ZNF26: variants seen among roughly 807,000 people sequenced by gnomAD.
ZNF26 encodes the protein zinc finger protein 26, also known as epididymis luminal protein 179.
ZNF26 carries 32 observed loss-of-function variants against 54.9 expected under a neutral mutation model. That is an observed-to-expected ratio of 0.58 (90% confidence interval 0.44 to 0.78). The LOEUF is 0.78. Among genes scored for constraint, ZNF26 ranks in the 30% least tolerant of loss-of-function variants. ZNF26 has a pLI of 0.00. For synonymous variants in ZNF26, 221 were observed against 209.2 expected, an observed-to-expected ratio of 1.06 and a Z score of -0.49; for missense variants, 524 against 634.0, an observed-to-expected ratio of 0.83 and a Z score of 1.86.
chr12:132,992,699 A>C (rs1952989660), intron 1 of ZNF26, among the ~76,000 whole-genome samples: 1 of 152,216 alleles, frequency 6.6e-6, no homozygotes, highest in Admixed American at 6.5e-5. Context: ...TAAGTTGGGG[A>C]ACGTACTGAA....
chr12:132,990,542 G>A (rs905025800), intron 1 of ZNF26, among the ~76,000 whole-genome samples: 1 of 152,064 alleles, frequency 6.6e-6, no homozygotes, highest in Non-Finnish European at 1.5e-5. Flanking sequence ...GTATTAGAGC[G>A]ATGCTGTCTT....
At chr12:132,991,279 C>T (rs928638708) in intron 1 of ZNF26, among the ~76,000 whole-genome samples, 15 of 147,868 alleles carry the variant, frequency 1.0e-4, no homozygotes, top group African/African-American at 3.2e-4. Flanking sequence ...GGGTGAATCA[C>T]GAGGTCAGAT....
At chr12:133,008,945 A>G (rs1354624512) in intron 3 of ZNF26, among the ~76,000 whole-genome samples, 2 of 152,104 alleles carry the variant, frequency 1.3e-5, no homozygotes, top group African/African-American at 4.8e-5. Context: ...CAAGCACATC[A>G]CATGGTGAAA....
rs893678139 is a variant in ZNF26 at position 133,010,810 on chromosome 12, G to T, written c.931G>T (p.Val311Leu). 29 of 1,613,968 alleles carry T rather than the reference G, an allele frequency of 1.8e-5. No individual in the cohort carries two copies. The highest frequency in any genetic ancestry group is 1.7e-5 in the Non-Finnish European group (20 of 1,180,038). The change falls in exon 4 of 4, where the codon GTG becomes TTG. Residue 311 changes from valine (V) to leucine (L), a missense_variant. Physicochemically the swap from Val to Leu is conservative, Grantham distance 32 (BLOSUM62 1). Coordinates refer to ENST00000328654, the MANE Select transcript of ZNF26 (RefSeq NM_019591.4). Reference protein sequence around the residue: ...FVVHQRTHTGVKPHKCSECGK... With the variant: ...FVVHQRTHTGLKPHKCSECGK... ...TGTACACCAGAGAACTCATACAGGA[G>T]TGAAACCCCATAAATGCAGTGAATG...
chr12:132,992,412 A>AT (rs1230230234), intron 1 of ZNF26, among the ~76,000 whole-genome samples: 12 of 149,652 alleles, frequency 8.0e-5, no homozygotes, highest in Non-Finnish European at 1.2e-4. Context: ...CTTATCTTTG[A>AT]TTTTTTGTGT....
intron 1 of ZNF26, 140 bp downstream of exon 1, chr12:132,987,013 A>C: frequency 1.0e-6 from 1 of 957,548 alleles, no homozygotes; most frequent in Non-Finnish European, 1.6e-6. Flanking sequence ...CTCCCCACCA[A>C]ACCAAAGCGC....
chr12:132,991,155 A>G (rs890913198), intron 1 of ZNF26, among the ~76,000 whole-genome samples: 4 of 150,126 alleles, frequency 2.7e-5, no homozygotes, highest in Non-Finnish European at 5.9e-5. Context: ...CACTGTGCCC[A>G]GCCTCCATTA....
chr12:133,006,070 T>A, intron 1 of ZNF26: 1 of 985,336 alleles, frequency 1.0e-6, no homozygotes, highest in Non-Finnish European at 1.2e-6. Context: ...TGCCAGTTTT[T>A]CAGTTGGGCA....
intron 1 of ZNF26, among the ~76,000 whole-genome samples, 177 bp downstream of exon 1, chr12:132,987,050 C>T (rs1330227559): frequency 6.6e-6 from 1 of 152,176 alleles, no homozygotes; most frequent in Non-Finnish European, 1.5e-5. Flanking sequence ...AGCTCTGGCC[C>T]TGCAGAAACG....
At position 133,025,534 on chromosome 12, in the gene ZNF26, A is replaced by G. The variant is rs1269382427; in HGVS notation, c.*14053A>G. ...AAACATGGCCAAAACAGTATCTCCT[A>G]TCACACATTCTCTTCCACAGTGTGC... is the stretch of plus-strand genomic sequence containing the variant. On this transcript the variant is annotated 3_prime_UTR_variant, in exon 4 of 4. Transcript: ENST00000328654. 6.6e-6 allele frequency: 1 copy of G among 152,274 alleles called. No individual in the cohort carries two copies. The highest frequency in any genetic ancestry group is 1.5e-5 in the Non-Finnish European group (1 of 68,070). 9.4% of individuals were successfully genotyped at this position (152,274 alleles called of 1,614,324 possible).
In ZNF26 at chr12:133,020,119, CAG is replaced by C. The variant is rs1953619888; in HGVS notation, c.*8641_*8642del. On this transcript the variant is annotated 3_prime_UTR_variant, in exon 4 of 4. Transcript: ENST00000328654. ...TCAAAAAACAAAACAAAAAAAAAAT[CAG>C]AGCCCATCAACAAATGGATAAAGAA... 2 of 150,972 alleles carry C rather than the reference CAG, an allele frequency of 1.3e-5. No homozygotes were observed. The highest frequency in any genetic ancestry group is 4.9e-5 in the African/African-American group (2 of 41,016). 9.4% of individuals were successfully genotyped at this position (150,972 alleles called of 1,614,324 possible).
chr12:132,995,308 C>T (rs1953053963), intron 1 of ZNF26: 1 of 152,292 alleles, frequency 6.6e-6, no homozygotes, highest in Admixed American at 6.6e-5. Context: ...ATGGTTTGCT[C>T]CACATCCTTA....
In ZNF26 at chr12:133,024,165, C is replaced by T. The variant is rs971446059; in HGVS notation, c.*12684C>T. The T allele has an allele frequency of 3.3e-5, 5 of 152,346 alleles. 1 individual carries two copies. The highest frequency in any genetic ancestry group is 3.3e-4 in the Admixed American group (5 of 15,300). 9.4% of individuals were successfully genotyped at this position (152,346 alleles called of 1,614,324 possible). On this transcript the variant is annotated 3_prime_UTR_variant, in exon 4 of 4. Transcript: ENST00000328654. ...AGTGTTGGAAGTGGGGTTCTACTTACATGCATCACTGGCCTTGGCACTGGA... is the reference window on the plus strand; with the variant it reads ...AGTGTTGGAAGTGGGGTTCTACTTATATGCATCACTGGCCTTGGCACTGGA...
Position 133,007,437 on chromosome 12 carries a change from G to A in ZNF26, c.161G>A (p.Gly54Glu), listed in dbSNP as rs2137252397. 1.9e-6 allele frequency: 3 copies of A among 1,611,652 alleles called. No homozygotes were observed. Among genetic ancestry groups the A allele is most frequent in the Non-Finnish European group, 2.5e-6 (3 of 1,178,510 alleles). Residue 54 changes from glycine (G) to glutamate (E), a missense_variant and splice_region_variant, in exon 3 of 4, where the codon GGG becomes GAG. Physicochemically the swap from Gly to Glu is moderately conservative, Grantham distance 98 (BLOSUM62 -2). Coordinates refer to ENST00000328654, the MANE Select transcript of ZNF26 (RefSeq NM_019591.4). ...ACCCTTTGTGATTTCCCATCAACAG[G>A]GTATCATGGTACCAAGCCTGACTTA... ...LENYHNLISV[G>E]YHGTKPDLIF... is the part of the protein sequence containing the mutation.
At chr12:132,992,504 G>C (rs926975246) in intron 1 of ZNF26, among the ~76,000 whole-genome samples, 2 of 151,886 alleles carry the variant, frequency 1.3e-5, no homozygotes, top group African/African-American at 2.4e-5. Context: ...CTGTGATTTG[G>C]TGTCTGACAT....
intron 3 of ZNF26, among the ~76,000 whole-genome samples, chr12:133,009,305 C>T (rs1953415431): frequency 2.0e-5 from 3 of 152,098 alleles, no homozygotes. Flanking sequence ...GTAATTAAAA[C>T]CTTTAGGCTG....
At chr12:132,992,220 A>G (rs1300942233) in intron 1 of ZNF26, among the ~76,000 whole-genome samples, 1 of 152,082 alleles carries the variant, frequency 6.6e-6, no homozygotes, top group Non-Finnish European at 1.5e-5. Flanking sequence ...AGTTTACTTG[A>G]AATAGCAATA....
chr12:132,994,270 G>A (rs11829550), intron 1 of ZNF26, among the ~76,000 whole-genome samples: 2,523 of 152,264 alleles, frequency 0.017, 79 homozygotes, highest in African/African-American at 0.057. Context: ...GGTAACTACT[G>A]TGTTTCTGCC....
chr12:132,998,922 A>G (rs1170090273), intron 1 of ZNF26, among the ~76,000 whole-genome samples: 1 of 152,268 alleles, frequency 6.6e-6, no homozygotes, highest in South Asian at 2.1e-4. Flanking sequence ...AATCAGGTAG[A>G]GAGAAAGGTA....
Sources: gnomAD v4.1 joint callset for allele counts (sites outside exome capture counted in the v4.1 genomes callset) on GRCh38, gnomAD v4.1.1 for gene constraint, MANE v1.5 for transcripts, NCBI Gene and HGNC (gene_info 2026-07-23, HGNC 2026-07-21) for gene names.